The following FASLG variants were observed in gnomAD, a reference collection of about 807,000 sequenced individuals.
The protein encoded by FASLG is Fas ligand.
A neutral mutation model predicts 24.6 loss-of-function variants in FASLG; 9 were observed. The ratio of observed to expected loss-of-function variants is 0.37; its 90% CI spans 0.22 to 0.64. The LOEUF (loss-of-function observed/expected upper bound fraction) is 0.64, where lower values mean the gene tolerates loss of function less well. Ranked by LOEUF, FASLG falls within the 30% of genes least tolerant of loss-of-function variation. The pLI, the probability that FASLG is intolerant of heterozygous loss-of-function variation, is 0.64. For missense variants in FASLG, 306 were observed against 345.3 expected, an observed-to-expected ratio of 0.89 and a Z score of 0.90; for synonymous variants, 130 against 135.5, an observed-to-expected ratio of 0.96 and a Z score of 0.28.
In FASLG at chr1:172,666,343, A is replaced by G. The variant is rs1008385955; in HGVS notation, c.*327A>G. The G allele has an allele frequency of 3.4e-6, 1 of 293,616 alleles. No homozygotes were observed. Among genetic ancestry groups the G allele is most frequent in the Non-Finnish European group, 6.6e-6 (1 of 151,924 alleles). 18.2% of individuals were successfully genotyped at this position (293,616 alleles called of 1,614,324 possible). A position where few individuals can be genotyped will look rare whatever the true frequency, so the allele number is the denominator to read the frequency against. ...AGGCAGATTGAAAAGGACACCTTTT[A>G]ACTCACCTCTCAAGGTGGGCCTTGC... is the stretch of plus-strand genomic sequence containing the variant. On this transcript the variant is annotated 3_prime_UTR_variant, in exon 4 of 4. Coordinates refer to ENST00000367721, the MANE Select transcript of FASLG (RefSeq NM_000639.3).
Position 172,664,406 on chromosome 1 carries a change from G to A in FASLG, c.451+16G>A, listed in dbSNP as rs766758840. ...CATTTAACAGGTCTGTATCTGGAAG[G>A]TACAGGTGAGATTTGGGAAAGCTTT... On this transcript the variant is annotated intron_variant, in intron 3 of 3. Coordinates refer to ENST00000367721, the MANE Select transcript of FASLG (RefSeq NM_000639.3). 7 of 1,613,458 alleles carry A rather than the reference G, an allele frequency of 4.3e-6. No homozygotes were observed. The South Asian group carries it at 7.7e-5, about 18-fold the overall frequency.
At position 172,665,693 on chromosome 1, in the gene FASLG, A is replaced by T. The variant is rs1659243589; in HGVS notation, c.523A>T (p.Lys175Ter). The T allele has an allele frequency of 6.2e-7, 1 of 1,614,160 alleles. No individual in the cohort carries two copies. Among genetic ancestry groups the T allele is most frequent in the Non-Finnish European group, 8.5e-7 (1 of 1,180,032 alleles). ...TYGIVLLSGV[K>*]YKKGGLVINE... Reference sequence around the variant, plus strand: ...TGGAATTGTCCTGCTTTCTGGAGTGAAGTATAAGAAGGGTGGCCTTGTGAT... The same window carrying T: ...TGGAATTGTCCTGCTTTCTGGAGTGTAGTATAAGAAGGGTGGCCTTGTGAT... Residue 175 changes from lysine (K) to a stop codon, truncating the protein, a stop_gained, in exon 4 of 4, where the codon AAG (lysine) becomes TAG (stop). Transcript: ENST00000367721. LOFTEE classifies it high-confidence loss of function.
At position 172,659,386 on chromosome 1, in the gene FASLG, C is replaced by T. The variant is rs2101806510; in HGVS notation, c.185C>T (p.Pro62Leu). 1 of 1,611,798 alleles carries T rather than the reference C, an allele frequency of 6.2e-7. No homozygotes were observed. Among genetic ancestry groups the T allele is most frequent in the Non-Finnish European group, 8.5e-7 (1 of 1,178,920 alleles). ...CTACCACCTCCGCCGCCGCCGCCAC[C>T]ACTGCCTCCACTACCGCTGCCACCC... ...PPLPPPPPPP[P>L]LPPLPLPPLK... Residue 62 changes from proline to leucine, a missense_variant, in exon 1 of 4, where the codon CCA becomes CTA. Physicochemically the swap from Pro to Leu is moderately conservative, Grantham distance 98 (BLOSUM62 -3). Coordinates refer to ENST00000367721, the MANE Select transcript of FASLG (RefSeq NM_000639.3).
rs371158950 is a variant in FASLG at position 172,663,525 on chromosome 1, G to A, written c.395-809G>A. On this transcript the variant is annotated intron_variant, in intron 2 of 3. Coordinates refer to ENST00000367721, the MANE Select transcript of FASLG (RefSeq NM_000639.3). The stretch of plus-strand genomic sequence containing the variant: ...AGAAATCTGCTTGAAAGAACATTAC[G>A]GGCAGAAGACATGGCATGAACAAAG... Among the ~76,000 whole-genome samples the A allele has an allele frequency of 2.6e-5, 4 of 152,178 alleles. No homozygotes were observed. The East Asian group carries it at 5.8e-4, about 22-fold the overall frequency.
At position 172,659,457 on chromosome 1, in the gene FASLG, A is replaced by G. The variant is rs1659091267; in HGVS notation, c.256A>G (p.Met86Val). ...NHSTGLCLLV[M>V]FFMVLVALVG... Reference sequence around the variant, plus strand: ...CAGCACAGGCCTGTGTCTCCTTGTGATGTTTTTCATGGTTCTGGTTGCCTT... The same window carrying G: ...CAGCACAGGCCTGTGTCTCCTTGTGGTGTTTTTCATGGTTCTGGTTGCCTT... The change falls in exon 1 of 4, where the codon ATG (methionine) becomes GTG (valine). Residue 86 changes from methionine (M) to valine (V), a missense_variant. Physicochemically the swap from Met to Val is conservative, Grantham distance 21. Coordinates refer to ENST00000367721, the MANE Select transcript of FASLG (RefSeq NM_000639.3). The G allele has an allele frequency of 1.2e-6, 2 of 1,613,886 alleles. No individual in the cohort carries two copies. The highest frequency in any genetic ancestry group is 1.7e-6 in the Non-Finnish European group (2 of 1,179,928).
chr1:172,663,614 AG>A (rs1240932241), intron 2 of FASLG, among the ~76,000 whole-genome samples: 4 of 152,178 alleles, frequency 2.6e-5, no homozygotes, highest in African/African-American at 9.7e-5. Flanking sequence ...GGCAATGCTC[AG>A]TGGGAGTAAG....
intron 1 of FASLG, 94 bp from the exon 2 acceptor site, chr1:172,660,001 C>A (rs1172132808): frequency 2.2e-6 from 3 of 1,350,716 alleles, no homozygotes; most frequent in Admixed American, 1.9e-5. Context: ...TATTTGGATT[C>A]TCTTTCCAGG....
At chr1:172,665,473 C>T in intron 3 of FASLG, 149 bp from the exon 4 acceptor site, 1 of 817,722 alleles carries the variant, frequency 1.2e-6, no homozygotes, top group Non-Finnish European at 1.9e-6. Context: ...TGTGATGGAT[C>T]AAGTTCTGAC....
rs1210285248 is a variant in FASLG at position 172,666,047 on chromosome 1, A to G, written c.*31A>G. 6 of 1,612,834 alleles carry G rather than the reference A, an allele frequency of 3.7e-6. No individual in the cohort carries two copies. Among genetic ancestry groups the G allele is most frequent in the East Asian group, 2.2e-5 (1 of 44,864 alleles). On this transcript the variant is annotated 3_prime_UTR_variant, in exon 4 of 4. Coordinates refer to ENST00000367721, the MANE Select transcript of FASLG (RefSeq NM_000639.3). ...GCACTTTGGGATTCTTTCCATTATG[A>G]TTCTTTGTTACAGGCACCGAGAATG... is the stretch of plus-strand genomic sequence containing the variant.
chr1:172,664,107 A>G (rs1443141153), intron 2 of FASLG, among the ~76,000 whole-genome samples: 10 of 152,234 alleles, frequency 6.6e-5, no homozygotes, highest in Non-Finnish European at 1.5e-4. Context: ...TAACATTATA[A>G]TTTATACATA....
chr1:172,666,178 C>T lies in FASLG; in HGVS notation c.*162C>T, dbSNP rs534895511. 15 of 739,024 alleles carry T rather than the reference C, an allele frequency of 2.0e-5. No individual in the cohort carries two copies. Among genetic ancestry groups the T allele is most frequent in the African/African-American group, 1.6e-4 (9 of 56,716 alleles). 45.8% of individuals were successfully genotyped at this position (739,024 alleles called of 1,614,324 possible). Reference sequence around the variant, plus strand: ...GTTCAAAATGTCTGTAGCTCCTCAACTCACCTAATGTTTATGAGCCAGACA... The same window carrying T: ...GTTCAAAATGTCTGTAGCTCCTCAATTCACCTAATGTTTATGAGCCAGACA... On this transcript the variant is annotated 3_prime_UTR_variant, in exon 4 of 4. Transcript: ENST00000367721.
At chr1:172,660,654 A>G (rs1419946742) in intron 2 of FASLG, among the ~76,000 whole-genome samples, 1 of 152,242 alleles carries the variant, frequency 6.6e-6, no homozygotes, top group Non-Finnish European at 1.5e-5. Context: ...AATTCCCCAC[A>G]TTAGAATGGT....
chr1:172,663,375 G>A (rs1659182969), intron 2 of FASLG, among the ~76,000 whole-genome samples: 1 of 152,032 alleles, frequency 6.6e-6, no homozygotes, highest in South Asian at 2.1e-4. Flanking sequence ...ACAAGAGAGG[G>A]GAAGACAGAG....
In FASLG at chr1:172,660,186, C is replaced by G. The variant is rs780897105; in HGVS notation, c.394+46C>G. The G allele has an allele frequency of 7.2e-5, 113 of 1,566,390 alleles. 1 individual carries two copies. The highest frequency in any genetic ancestry group is 9.4e-5 in the Non-Finnish European group (107 of 1,136,698). ...ACATTGAGTTCCCAAAGATGATCCT[C>G]AGCACAGAACTATGTTAATGGAATG... On this transcript the variant is annotated intron_variant, in intron 2 of 3. Transcript: ENST00000367721.
rs746745833 is a variant in FASLG, at chr1:172,660,079, C to T, written c.349-16C>T. ...TTTATTTTTATTATACATCTTTTCT[C>T]TTTCTGTTTTACTAGTCTACCAGCC... On this transcript the variant is annotated splice_polypyrimidine_tract_variant and intron_variant, in intron 1 of 3. Coordinates refer to ENST00000367721, the MANE Select transcript of FASLG (RefSeq NM_000639.3). 1.9e-6 allele frequency: 3 copies of T among 1,612,714 alleles called. No homozygotes were observed. The highest frequency in any genetic ancestry group is 2.7e-5 in the African/African-American group (2 of 74,888).
chr1:172,666,096 A>T lies in FASLG; in HGVS notation c.*80A>T. 6.4e-7 allele frequency: 1 copy of T among 1,566,256 alleles called. No homozygotes were observed. Among genetic ancestry groups the T allele is most frequent in the Non-Finnish European group, 8.7e-7 (1 of 1,147,258 alleles). On this transcript the variant is annotated 3_prime_UTR_variant, in exon 4 of 4. Coordinates refer to ENST00000367721, the MANE Select transcript of FASLG (RefSeq NM_000639.3). ...TGTTGTATTCAGTGAGGGTCTTCTTACATGCATTTGAGGTCAAGTAAGAAG... is the reference window on the plus strand; with the variant it reads ...TGTTGTATTCAGTGAGGGTCTTCTTTCATGCATTTGAGGTCAAGTAAGAAG...
At chr1:172,660,925 A>G (rs1226028787) in intron 2 of FASLG, among the ~76,000 whole-genome samples, 2 of 152,236 alleles carry the variant, frequency 1.3e-5, no homozygotes, top group African/African-American at 4.8e-5. Flanking sequence ...TTAGATTTAC[A>G]ATGAGATTCA....
At position 172,664,319 on chromosome 1, in the gene FASLG, C is replaced by G. The variant is rs370579312; in HGVS notation, c.395-15C>G. 89 of 1,612,986 alleles carry G rather than the reference C, an allele frequency of 5.5e-5. No individual in the cohort carries two copies. The African/African-American group carries it at 9.5e-4, about 17-fold the overall frequency. On this transcript the variant is annotated splice_polypyrimidine_tract_variant and intron_variant, in intron 2 of 3. Coordinates refer to ENST00000367721, the MANE Select transcript of FASLG (RefSeq NM_000639.3). ...TTTCATTTTAACATATATTTTTCCTCTCTCTATGATACAGGCCACCCCAGT... is the reference window on the plus strand; with the variant it reads ...TTTCATTTTAACATATATTTTTCCTGTCTCTATGATACAGGCCACCCCAGT...
chr1:172,662,088 C>CACATAAT (rs1240545099), intron 2 of FASLG, among the ~76,000 whole-genome samples: 3 of 151,312 alleles, frequency 2.0e-5, no homozygotes, highest in African/African-American at 7.3e-5. Context: ...TTCAGACAAG[C>CACATAAT]ACATAATAAG....
Sources: gnomAD v4.1 joint callset for allele counts (sites outside exome capture counted in the v4.1 genomes callset) on GRCh38, gnomAD v4.1.1 for gene constraint, MANE v1.5 for transcripts, NCBI Gene and HGNC (gene_info 2026-07-23, HGNC 2026-07-21) for gene names.